GLIS1: variants seen among roughly 807,000 people sequenced by gnomAD.
The protein encoded by GLIS1 is zinc finger protein GLIS1.
Under a neutral mutation model 63.8 loss-of-function variants are expected in GLIS1, and 24 were observed. That is an observed-to-expected ratio of 0.38 (90% CI 0.27 to 0.53). The LOEUF (loss-of-function observed/expected upper bound fraction) is 0.53, where lower values mean the gene tolerates loss of function less well. Among genes scored for constraint, GLIS1 ranks in the 20% least tolerant of loss-of-function variants. The pLI is 0.85. For synonymous variants in GLIS1, 450 were observed against 482.5 expected, an observed-to-expected ratio of 0.93 and a Z score of 0.88; for missense variants, 1,036 against 1,074.1, an observed-to-expected ratio of 0.96 and a Z score of 0.50.
At chr1:53,518,247 G>A (rs1243474884) in intron 7 of GLIS1, among the ~76,000 whole-genome samples, 2 of 152,188 alleles carry the variant, frequency 1.3e-5, no homozygotes, top group African/African-American at 2.4e-5. Flanking sequence ...TATAGCAGAG[G>A]AGCAGCACTA....
chr1:53,608,876 A>G (rs1645397811), intron 2 of GLIS1, among the ~76,000 whole-genome samples: 1 of 152,218 alleles, frequency 6.6e-6, no homozygotes, highest in South Asian at 2.1e-4. Flanking sequence ...GATTCCTGGC[A>G]GTTCTGTTTG....
At chr1:53,714,864 T>C (rs879410089) in intron 2 of GLIS1, among the ~76,000 whole-genome samples, 13 of 152,258 alleles carry the variant, frequency 8.5e-5, no homozygotes, top group Non-Finnish European at 5.9e-5. Context: ...CTGCTTCCCA[T>C]GGAGTTTTCC....
chr1:53,524,988 G>A, intron 5 of GLIS1, 101 bp from the exon 6 acceptor site: 2 of 866,932 alleles, frequency 2.3e-6, no homozygotes, highest in South Asian at 1.5e-5. Context: ...CGAGAGGCTG[G>A]CTGCAGGCCA....
At chr1:53,525,384 G>A (rs1297230777) in intron 5 of GLIS1, among the ~76,000 whole-genome samples, 1 of 133,798 alleles carries the variant, frequency 7.5e-6, no homozygotes, top group Non-Finnish European at 1.6e-5. Flanking sequence ...TGCTCTTGGG[G>A]CCACAAGAAA....
chr1:53,637,875 G>A (rs1010316992), intron 2 of GLIS1, among the ~76,000 whole-genome samples: 7 of 152,198 alleles, frequency 4.6e-5, no homozygotes, highest in African/African-American at 1.7e-4. Context: ...AGAGAAGCGT[G>A]TTCCTGGAAC....
chr1:53,506,274 C>T lies in GLIS1; in HGVS notation c.*345G>A, dbSNP rs1486360864. ...TTTTTAATGTTTTTTCTTGTAAAAC[C>T]AAAAATATAAAACTGGCAGGGGAAC... On this transcript the variant is annotated 3_prime_UTR_variant, in exon 11 of 11. Coordinates refer to ENST00000628545, the MANE Select transcript of GLIS1 (RefSeq NM_001367484.1). 1 of 272,834 alleles carries T rather than the reference C, an allele frequency of 3.7e-6. No individual in the cohort carries two copies. The highest frequency in any genetic ancestry group is 7.0e-6 in the Non-Finnish European group (1 of 143,874). 16.9% of individuals were successfully genotyped at this position (272,834 alleles called of 1,614,324 possible).
intron 2 of GLIS1, among the ~76,000 whole-genome samples, chr1:53,653,191 TG>T (rs1645927470): frequency 6.6e-6 from 1 of 152,204 alleles, no homozygotes; most frequent in African/African-American, 2.4e-5. Context: ...AAAAAGTGGC[TG>T]GGGATATTGC....
chr1:53,509,812 G>A, intron 9 of GLIS1, 37 bp downstream of exon 9: 2 of 1,233,502 alleles, frequency 1.6e-6, no homozygotes, highest in Non-Finnish European at 2.1e-6. Context: ...GTGGGAATTG[G>A]GGGGTTATAC....
chr1:53,643,233 T>C (rs10888802), intron 2 of GLIS1, among the ~76,000 whole-genome samples: 104,072 of 152,100 alleles, frequency 0.68, 36,280 homozygotes, highest in Middle Eastern at 0.8. Flanking sequence ...GATTTACACT[T>C]GGGCCGCTTC....
chr1:53,528,747 CCT>C (rs958468285), intron 5 of GLIS1, among the ~76,000 whole-genome samples: 8 of 152,146 alleles, frequency 5.3e-5, no homozygotes, highest in African/African-American at 1.7e-4. Flanking sequence ...CTCCTGGGCC[CCT>C]GTTTCCTCCT....
intron 2 of GLIS1, among the ~76,000 whole-genome samples, chr1:53,669,012 C>T (rs117242288): frequency 1.3e-5 from 2 of 152,274 alleles, no homozygotes; most frequent in East Asian, 3.9e-4. Flanking sequence ...GCGCTCCTAA[C>T]CCCCACATGA....
chr1:53,729,196 G>A (rs1646834182), intron 2 of GLIS1, among the ~76,000 whole-genome samples: 2 of 152,186 alleles, frequency 1.3e-5, no homozygotes, highest in African/African-American at 4.8e-5. Flanking sequence ...GAGGTTTTAA[G>A]CGAGAAGTTC....
chr1:53,590,498 T>G (rs1191290920), intron 4 of GLIS1, among the ~76,000 whole-genome samples: 1 of 152,140 alleles, frequency 6.6e-6, no homozygotes, highest in South Asian at 2.1e-4. Context: ...TCCTTCTTGA[T>G]GTGGAGAAAA....
At chr1:53,512,201 C>G (rs1196829594) in intron 8 of GLIS1, among the ~76,000 whole-genome samples, 2 of 152,226 alleles carry the variant, frequency 1.3e-5, no homozygotes, top group Non-Finnish European at 2.9e-5. Context: ...CTATGCTGCT[C>G]TACCTGAACC....
At chr1:53,634,698 T>G (rs1332962608) in intron 2 of GLIS1, among the ~76,000 whole-genome samples, 1 of 152,170 alleles carries the variant, frequency 6.6e-6, no homozygotes, top group African/African-American at 2.4e-5. Context: ...TTCCAGCCAC[T>G]GCAGCTGCGG....
intron 2 of GLIS1, among the ~76,000 whole-genome samples, chr1:53,673,176 T>G (rs191124115): frequency 5.4e-4 from 83 of 152,328 alleles, no homozygotes; most frequent in African/African-American, 1.9e-3. Flanking sequence ...GGCTCATAAG[T>G]GTTATGTCTT....
At chr1:53,595,132 G>C (rs558112456) in intron 3 of GLIS1, 142 bp from the exon 4 acceptor site, 21 of 612,698 alleles carry the variant, frequency 3.4e-5, no homozygotes, top group Non-Finnish European at 5.2e-5. Flanking sequence ...TAGAGGCAGA[G>C]AAAGAGCACC....
intron 4 of GLIS1, among the ~76,000 whole-genome samples, chr1:53,530,929 C>A (rs909183918): frequency 6.6e-6 from 1 of 152,230 alleles, no homozygotes; most frequent in Admixed American, 6.5e-5. Context: ...AGGGGACCAG[C>A]GCTGACGGGC....
chr1:53,509,428 G>A, intron 9 of GLIS1, 141 bp from the exon 10 acceptor site: 1 of 952,028 alleles, frequency 1.1e-6, no homozygotes, highest in Non-Finnish European at 1.5e-6. Flanking sequence ...AGGGCCCAGG[G>A]CAGAGGAGGT....
Sources: allele counts gnomAD v4.1 joint callset (sites outside exome capture counted in the v4.1 genomes callset), GRCh38; gene constraint gnomAD v4.1.1; transcripts MANE v1.5; gene names NCBI Gene and HGNC (gene_info 2026-07-23, HGNC 2026-07-21).